The following CCDC91 variants were observed in gnomAD, a reference collection of about 807,000 sequenced individuals.
CCDC91 encodes coiled-coil domain-containing protein 91.
A neutral mutation model predicts 63.2 loss-of-function variants in CCDC91; 48 were observed. The ratio of observed to expected loss-of-function variants is 0.76; its 90% CI spans 0.60 to 0.97. The LOEUF is 0.97. Ranked by LOEUF, CCDC91 falls within the 50% of genes least tolerant of loss-of-function variation. CCDC91 has a pLI of 0.00. For missense variants in CCDC91, 500 were observed against 494.6 expected (o/e 1.01, Z -0.10); for synonymous variants, 167 against 165.8 (o/e 1.01, Z -0.06).
chr12:28,430,905 G>C (rs1948592842), intron 8 of CCDC91, among the ~76,000 whole-genome samples: 1 of 152,056 alleles, frequency 6.6e-6, no homozygotes, highest in South Asian at 2.1e-4. Context: ...CTTCGTATTA[G>C]TTTATATAGA....
intron 1 of CCDC91, among the ~76,000 whole-genome samples, chr12:28,201,351 G>A (rs5977158): frequency 2.7e-5 from 4 of 149,396 alleles, no homozygotes; most frequent in African/African-American, 9.8e-5. Flanking sequence ...TCCCAGACGG[G>A]GTCGCGGCCA....
At chr12:28,450,489 T>A in intron 10 of CCDC91, 71 bp downstream of exon 10, 1 of 1,038,866 alleles carries the variant, frequency 9.6e-7, no homozygotes, top group Non-Finnish European at 1.5e-6. Context: ...TTAATAGTAT[T>A]CTCAATCTTT....
At chr12:28,196,956 T>C (rs1941810766) in intron 1 of CCDC91, among the ~76,000 whole-genome samples, 1 of 152,192 alleles carries the variant, frequency 6.6e-6, no homozygotes, top group Non-Finnish European at 1.5e-5. Flanking sequence ...TTGTGTTATA[T>C]GGATATGCCC....
chr12:28,444,877 G>T (rs2140266286), intron 8 of CCDC91, among the ~76,000 whole-genome samples: 1 of 152,010 alleles, frequency 6.6e-6, no homozygotes, highest in South Asian at 2.1e-4. Context: ...AGTTCCTTCT[G>T]CTCAATCATG....
intron 7 of CCDC91, among the ~76,000 whole-genome samples, chr12:28,379,928 A>C (rs945417986): frequency 6.6e-6 from 1 of 152,156 alleles, no homozygotes; most frequent in Non-Finnish European, 1.5e-5. Flanking sequence ...TTAGTTAGTA[A>C]CTTAACCCAG....
At chr12:28,313,868 A>AT (rs953254114) in intron 6 of CCDC91, among the ~76,000 whole-genome samples, 3 of 151,978 alleles carry the variant, frequency 2.0e-5, no homozygotes, top group Admixed American at 2.0e-4. Flanking sequence ...TACAACTTGG[A>AT]TTCCAGTCCC....
intron 6 of CCDC91, among the ~76,000 whole-genome samples, chr12:28,338,451 C>T (rs1361621239): frequency 2.6e-5 from 4 of 151,964 alleles, no homozygotes; most frequent in African/African-American, 9.7e-5. Flanking sequence ...GTAGAGAAAA[C>T]AGTGTGAATG....
intron 3 of CCDC91, among the ~76,000 whole-genome samples, chr12:28,273,856 T>C (rs1156452155): frequency 2.6e-5 from 4 of 152,230 alleles, no homozygotes; most frequent in Admixed American, 6.5e-5. Context: ...TAGATCCCAT[T>C]TGTCAATTTT....
intron 11 of CCDC91, among the ~76,000 whole-genome samples, chr12:28,463,013 A>G (rs1950382070): frequency 6.6e-6 from 1 of 152,194 alleles, no homozygotes; most frequent in Non-Finnish European, 1.5e-5. Context: ...GGGAAACTGC[A>G]GTATTTCCTA....
intron 1 of CCDC91, among the ~76,000 whole-genome samples, chr12:28,190,973 C>T (rs1936606693): frequency 6.6e-6 from 1 of 152,228 alleles, no homozygotes. Context: ...GCCTACCGAA[C>T]GGAGACCTTG....
intron 1 of CCDC91, among the ~76,000 whole-genome samples, chr12:28,242,017 C>T (rs1334172657): frequency 2.5e-5 from 3 of 119,350 alleles, no homozygotes; most frequent in Non-Finnish European, 5.4e-5. Context: ...AAAAAAAAAA[C>T]GAAACAAAAA....
chr12:28,544,730 ATTGACT>A (rs1192897456), intron 12 of CCDC91, among the ~76,000 whole-genome samples: 1 of 152,078 alleles, frequency 6.6e-6, no homozygotes, highest in Admixed American at 6.6e-5. Flanking sequence ...TGTGTTTGTA[ATTGACT>A]TTGAATGTTG....
At chr12:28,521,914 G>A (rs1422014081) in intron 12 of CCDC91, among the ~76,000 whole-genome samples, 1 of 152,154 alleles carries the variant, frequency 6.6e-6, no homozygotes, top group East Asian at 1.9e-4. Flanking sequence ...TGCATCCCAG[G>A]GATGAAGCCA....
At chr12:28,229,110 CTG>C (rs1252092223) in intron 1 of CCDC91, among the ~76,000 whole-genome samples, 4 of 151,844 alleles carry the variant, frequency 2.6e-5, no homozygotes, top group African/African-American at 9.7e-5. Context: ...TGTAATCAAA[CTG>C]TATTATGGGC....
intron 12 of CCDC91, among the ~76,000 whole-genome samples, chr12:28,531,941 G>A (rs1941770980): frequency 6.6e-6 from 1 of 152,212 alleles, no homozygotes; most frequent in South Asian, 2.1e-4. Context: ...GCAGGGTAAT[G>A]AATTAGTGAT....
Position 28,418,423 on chromosome 12 carries a change from T to G in CCDC91, c.762+27012T>G, listed in dbSNP as rs370948950. Among the ~76,000 whole-genome samples the G allele has an allele frequency of 5.1e-4, 78 of 152,288 alleles. No individual in the cohort carries two copies. In the South Asian group the frequency reaches 0.013, roughly 25 times the overall value. On this transcript the variant is annotated intron_variant, in intron 8 of 12. Coordinates refer to ENST00000536442, the MANE Select transcript of CCDC91 (RefSeq NM_018318.5). ...TGGAAGGTAGTATTATATAGTTGTC[T>G]GAAGCACAGTAAGGTAAAATTCAAA...
intron 7 of CCDC91, among the ~76,000 whole-genome samples, chr12:28,371,704 A>G (rs1944634133): frequency 6.6e-6 from 1 of 152,202 alleles, no homozygotes; most frequent in African/African-American, 2.4e-5. Context: ...TGAATTGAAC[A>G]TTGTATTCAT....
intron 1 of CCDC91, among the ~76,000 whole-genome samples, chr12:28,211,958 C>A (rs1220181833): frequency 6.6e-6 from 1 of 152,140 alleles, no homozygotes; most frequent in Admixed American, 6.5e-5. Context: ...GGATCAAATC[C>A]ATTCCTGGAC....
intron 6 of CCDC91, among the ~76,000 whole-genome samples, chr12:28,352,314 C>A (rs1036479178): frequency 6.6e-6 from 1 of 152,126 alleles, no homozygotes; most frequent in Non-Finnish European, 1.5e-5. Context: ...ATGAAGTTTG[C>A]TGCATCTATT....
Sources: gnomAD v4.1 joint callset for allele counts (sites outside exome capture counted in the v4.1 genomes callset) on GRCh38, gnomAD v4.1.1 for gene constraint, MANE v1.5 for transcripts, NCBI Gene and HGNC (gene_info 2026-07-23, HGNC 2026-07-21) for gene names.